The following GRM8 variants were observed in gnomAD, a reference collection of about 807,000 sequenced individuals.
GRM8 encodes the protein glutamate metabotropic receptor 8.
Under a neutral mutation model 87.2 loss-of-function variants are expected in GRM8, and 47 were observed. The ratio of observed to expected loss-of-function variants is 0.54; its 90% confidence interval spans 0.43 to 0.69. GRM8 has a LOEUF of 0.69. Among genes scored for constraint, GRM8 ranks in the 30% least tolerant of loss-of-function variants. The pLI, the probability that GRM8 is intolerant of heterozygous loss-of-function variation, is 0.00. For synonymous variants in GRM8, 396 were observed against 404.5 expected, an observed-to-expected ratio of 0.98 and a Z score of 0.25; for missense variants, 1,019 against 1,139.2, an observed-to-expected ratio of 0.89 and a Z score of 1.52.
At chr7:126,776,205 G>A (rs1215669322) in intron 6 of GRM8, among the ~76,000 whole-genome samples, 2 of 152,154 alleles carry the variant, frequency 1.3e-5, no homozygotes, top group East Asian at 3.9e-4. Context: ...TAGGTTGAAG[G>A]TAGAGATAAG....
chr7:126,690,348 C>T (rs190227847), intron 7 of GRM8, among the ~76,000 whole-genome samples: 87 of 152,280 alleles, frequency 5.7e-4, no homozygotes, highest in Non-Finnish European at 8.8e-4. Context: ...CAGCCAGGCA[C>T]GCTGGCTGTG....
intron 7 of GRM8, among the ~76,000 whole-genome samples, chr7:126,687,661 A>C (rs1035736901): frequency 4.7e-5 from 7 of 150,140 alleles, no homozygotes; most frequent in Non-Finnish European, 1.0e-4. Flanking sequence ...AACATAGTAG[A>C]TATTGCCTAT....
At chr7:127,161,573 T>G (rs1793118640) in intron 2 of GRM8, among the ~76,000 whole-genome samples, 1 of 152,194 alleles carries the variant, frequency 6.6e-6, no homozygotes, top group African/African-American at 2.4e-5. Flanking sequence ...CACTTATGTG[T>G]GCGCATGCAT....
At chr7:126,610,583 C>T (rs1345833729) in intron 7 of GRM8, among the ~76,000 whole-genome samples, 1 of 152,146 alleles carries the variant, frequency 6.6e-6, no homozygotes, top group African/African-American at 2.4e-5. Context: ...GTCAACTGTA[C>T]ATATTCCCAT....
intron 7 of GRM8, among the ~76,000 whole-genome samples, chr7:126,675,812 C>T (rs1806897033): frequency 6.6e-6 from 1 of 152,158 alleles, no homozygotes; most frequent in South Asian, 2.1e-4. Flanking sequence ...TTGAAAGGCT[C>T]ACCCCTAAGA....
At chr7:126,857,055 T>C (rs1797750907) in intron 6 of GRM8, among the ~76,000 whole-genome samples, 1 of 152,172 alleles carries the variant, frequency 6.6e-6, no homozygotes. Flanking sequence ...AAAATAAACA[T>C]TCTTTTCCAT....
At chr7:126,730,098 A>T (rs1174967210) in intron 7 of GRM8, among the ~76,000 whole-genome samples, 1 of 152,196 alleles carries the variant, frequency 6.6e-6, no homozygotes, top group Non-Finnish European at 1.5e-5. Flanking sequence ...ATAAAGAAGT[A>T]ATGTAAGAGT....
chr7:126,603,119 A>G (rs1585189932), intron 8 of GRM8, among the ~76,000 whole-genome samples: 1 of 146,406 alleles, frequency 6.8e-6, no homozygotes, highest in Non-Finnish European at 1.5e-5. Flanking sequence ...ATATAAACAG[A>G]GCCAAAGACA....
At chr7:126,938,162 TTGTCCTTAACTTTCTC>T (rs1806534831) in intron 3 of GRM8, among the ~76,000 whole-genome samples, 1 of 152,198 alleles carries the variant, frequency 6.6e-6, no homozygotes, top group African/African-American at 2.4e-5. Context: ...AGGAAATTTT[TTGTCCTTAACTTTCTC>T]TGTCCCTTCC....
chr7:126,924,268 G>C (rs933750558), intron 3 of GRM8, among the ~76,000 whole-genome samples: 1 of 152,190 alleles, frequency 6.6e-6, no homozygotes, highest in Non-Finnish European at 1.5e-5. Flanking sequence ...TGGATTCATA[G>C]GGCATTCCTT....
chr7:126,844,418 T>C (rs1281584125), intron 6 of GRM8, among the ~76,000 whole-genome samples: 1 of 152,220 alleles, frequency 6.6e-6, no homozygotes, highest in African/African-American at 2.4e-5. Context: ...TATATAAATA[T>C]GGACAATATT....
At chr7:127,022,734 T>C (rs2132230213) in intron 3 of GRM8, among the ~76,000 whole-genome samples, 1 of 152,264 alleles carries the variant, frequency 6.6e-6, no homozygotes, top group Non-Finnish European at 1.5e-5. Flanking sequence ...ATTATACTTG[T>C]AATGCAAGAG....
At chr7:126,812,383 A>T (rs1219499950) in intron 6 of GRM8, among the ~76,000 whole-genome samples, 1 of 151,992 alleles carries the variant, frequency 6.6e-6, no homozygotes, top group South Asian at 2.1e-4. Context: ...TATGTGGTAC[A>T]CCCTAGCGCT....
At chr7:126,864,048 T>TC (rs1313325382) in intron 6 of GRM8, among the ~76,000 whole-genome samples, 2 of 149,146 alleles carry the variant, frequency 1.3e-5, no homozygotes, top group Non-Finnish European at 3.0e-5. Flanking sequence ...TTTTTTTTTT[T>TC]TTTGTAGAGA....
intron 7 of GRM8, among the ~76,000 whole-genome samples, chr7:126,768,441 T>A (rs1818453735): frequency 6.7e-6 from 1 of 148,794 alleles, no homozygotes; most frequent in Admixed American, 6.7e-5. Context: ...AGCCATTACA[T>A]TAAGATATTC....
chr7:126,989,381 A>G (rs1479633672), intron 3 of GRM8, among the ~76,000 whole-genome samples: 1 of 152,206 alleles, frequency 6.6e-6, no homozygotes, highest in East Asian at 1.9e-4. Context: ...TCTGCTTCAA[A>G]GCTTGCCAGC....
chr7:126,843,473 C>T (rs1563241468), intron 6 of GRM8, among the ~76,000 whole-genome samples: 2 of 152,286 alleles, frequency 1.3e-5, no homozygotes, highest in East Asian at 1.9e-4. Flanking sequence ...TAACCATTGA[C>T]GAAGCTTCTT....
chr7:126,795,421 T>C (rs983566108), intron 6 of GRM8, among the ~76,000 whole-genome samples: 1 of 152,160 alleles, frequency 6.6e-6, no homozygotes, highest in African/African-American at 2.4e-5. Context: ...ATAAGACTCA[T>C]CTTTTTAAAA....
At chr7:127,232,185 G>GTGTT (rs750505745) in intron 2 of GRM8, among the ~76,000 whole-genome samples, 3,728 of 76,466 alleles carry the variant, frequency 0.049, 58 homozygotes, top group Middle Eastern at 0.14. Context: ...TTTCTTCTTT[G>GTGTT]TGTGTGTGTG....
Sources: gnomAD v4.1 joint callset for allele counts (sites outside exome capture counted in the v4.1 genomes callset) on GRCh38, gnomAD v4.1.1 for gene constraint, MANE v1.5 for transcripts, NCBI Gene and HGNC (gene_info 2026-07-23, HGNC 2026-07-21) for gene names.